The following FBXO10 variants were observed in gnomAD, a reference collection of about 807,000 sequenced individuals.
The protein encoded by FBXO10 is F-box protein 10.
FBXO10 carries 39 observed loss-of-function variants against 80.7 expected under a neutral mutation model. That is an observed-to-expected ratio of 0.48 (90% CI 0.37 to 0.63). The LOEUF is 0.63. FBXO10 is among the 30% of genes least tolerant of loss of function. The pLI is 0.00. For synonymous variants in FBXO10, 449 were observed against 489.6 expected, an observed-to-expected ratio of 0.92 and a Z score of 1.09; for missense variants, 1,025 against 1,269.0, an observed-to-expected ratio of 0.81 and a Z score of 2.92.
In FBXO10 at chr9:37,513,025, G is replaced by A. The variant is rs543373321; in HGVS notation, c.2697-304C>T. On this transcript the variant is annotated intron_variant, in intron 10 of 10. Transcript: ENST00000432825. ...CTGTTGCCCAGGCTGGGGTGCAGTG[G>A]CACGATCATGGCTCACTGCAGCCTC... is the stretch of plus-strand genomic sequence containing the variant. Among the ~76,000 whole-genome samples the A allele has an allele frequency of 5.9e-5, 9 of 152,318 alleles. No homozygotes were observed. In the South Asian group the frequency reaches 1.2e-3, roughly 21 times the overall value.
rs143658935 is a variant in FBXO10 at position 37,513,869 on chromosome 9, C to T, written c.2697-1148G>A. ...CCTCCCAAAGTGCTGGGATTACAGG[C>T]GTGAGCCACCGCACCCGGCCACGAT... On this transcript the variant is annotated intron_variant, in intron 10 of 10. Transcript: ENST00000432825. Among the ~76,000 whole-genome samples, 643 of 152,232 alleles carry T rather than the reference C, an allele frequency of 4.2e-3. 9 individuals carry two copies. The highest frequency in any genetic ancestry group is 0.015 in the African/African-American group (606 of 41,550).
chr9:37,516,147 G>A, intron 9 of FBXO10, 62 bp from the exon 10 acceptor site: 1 of 1,536,680 alleles, frequency 6.5e-7, no homozygotes, highest in Non-Finnish European at 8.8e-7. Flanking sequence ...GGGAGAGCTG[G>A]GCAAGTGAAT....
Position 37,541,517 on chromosome 9 carries a change from T to A in FBXO10, c.252A>T (p.Thr84=), listed in dbSNP as rs747039257. 6.2e-7 allele frequency: 1 copy of A among 1,613,824 alleles called. No homozygotes were observed. The highest frequency in any genetic ancestry group is 2.2e-5 in the East Asian group (1 of 44,894). Reference sequence around the variant, plus strand: ...CCAAGTCCAAGGCATTCTTGGTCCATGTCTTGGATGCAAGGTAATGCTGCT... The same window carrying A: ...CCAAGTCCAAGGCATTCTTGGTCCAAGTCTTGGATGCAAGGTAATGCTGCT... ...AFKQHYLASK[T]WTKNALDLES... Residue 84 remains threonine (T), a synonymous_variant, in exon 2 of 11, where the codon ACA becomes ACT. Transcript: ENST00000432825.
chr9:37,523,865 C>T (rs1368056533), intron 6 of FBXO10, among the ~76,000 whole-genome samples: 6 of 152,242 alleles, frequency 3.9e-5, no homozygotes, highest in Non-Finnish European at 7.4e-5. Context: ...TGCAGTGAGC[C>T]GAGATCGCGC....
At chr9:37,561,467 G>A (rs1822481538) in intron 1 of FBXO10, among the ~76,000 whole-genome samples, 1 of 152,162 alleles carries the variant, frequency 6.6e-6, no homozygotes, top group African/African-American at 2.4e-5. Context: ...GCCTCAGTGG[G>A]AGAGAAGGAG....
intron 5 of FBXO10, among the ~76,000 whole-genome samples, chr9:37,527,311 A>G (rs540574356): frequency 3.7e-4 from 56 of 152,304 alleles, no homozygotes; most frequent in African/African-American, 1.3e-3. Flanking sequence ...CAACATATGC[A>G]CAGGGTTCAG....
chr9:37,531,365 G>A (rs969219841), intron 4 of FBXO10, among the ~76,000 whole-genome samples: 2 of 152,172 alleles, frequency 1.3e-5, no homozygotes, highest in African/African-American at 4.8e-5. Context: ...TTCTCAGGAA[G>A]AGCCAGAGCA....
In FBXO10 at chr9:37,537,321, C is replaced by G; in HGVS notation, c.1208G>C (p.Ser403Thr). 6.2e-7 allele frequency: 1 copy of G among 1,609,992 alleles called. No homozygotes were observed. The highest frequency in any genetic ancestry group is 8.5e-7 in the Non-Finnish European group (1 of 1,177,810). Residue 403 changes from serine to threonine, a missense_variant, in exon 3 of 11, where the codon AGC becomes ACC. By Grantham distance (58) the Ser-to-Thr change is moderately conservative (BLOSUM62 1). Coordinates refer to ENST00000432825, the MANE Select transcript of FBXO10 (RefSeq NM_012166.3). ...PLPGASIQLP[S>T]CLVLNSLQQE... is the part of the protein sequence containing the mutation. ...CTGCAGTGAGTTCAGCACTAGGCAG[C>G]TGGGCAGCTGAATGGATGCTCCTGG... is the stretch of plus-strand genomic sequence containing the variant.
intron 1 of FBXO10, among the ~76,000 whole-genome samples, chr9:37,553,751 C>CAA (rs34248221): frequency 1.1e-4 from 16 of 139,846 alleles, no homozygotes; most frequent in African/African-American, 3.4e-4. Flanking sequence ...ACTAAAAATA[C>CAA]AAAAAAAAAA....
At chr9:37,575,586 T>G (rs780373090) in intron 1 of FBXO10, 3 of 152,246 alleles carry the variant, frequency 2.0e-5, no homozygotes, top group Non-Finnish European at 4.4e-5. Context: ...GGCAGAACTG[T>G]GATCTGAACC....
At chr9:37,553,024 G>A (rs1188359961) in intron 1 of FBXO10, among the ~76,000 whole-genome samples, 1 of 148,626 alleles carries the variant, frequency 6.7e-6, no homozygotes, top group Non-Finnish European at 1.5e-5. Flanking sequence ...GTGTGTGTGT[G>A]TGTGTGTGTG....
At position 37,541,523 on chromosome 9, in the gene FBXO10, G is replaced by C; in HGVS notation, c.246C>G (p.Ser82=). The part of the protein sequence containing the change: ...REAFKQHYLA[S]KTWTKNALDL... ...CCAAGGCATTCTTGGTCCATGTCTTGGATGCAAGGTAATGCTGCTTGAAGG... is the reference window on the plus strand; with the variant it reads ...CCAAGGCATTCTTGGTCCATGTCTTCGATGCAAGGTAATGCTGCTTGAAGG... Residue 82 remains serine (S), a synonymous_variant, in exon 2 of 11, where the codon TCC becomes TCG. Transcript: ENST00000432825. The C allele has an allele frequency of 6.2e-7, 1 of 1,613,860 alleles. No homozygotes were observed. Among genetic ancestry groups the C allele is most frequent in the African/African-American group, 1.3e-5 (1 of 75,046 alleles).
chr9:37,551,638 G>A (rs551347164), intron 1 of FBXO10, among the ~76,000 whole-genome samples: 29 of 152,228 alleles, frequency 1.9e-4, no homozygotes, highest in South Asian at 6.2e-4. Context: ...AGAGTGCCCC[G>A]GGCCTGGCCC....
chr9:37,541,860 C>A, intron 1 of FBXO10, 86 bp from the exon 2 acceptor site: 2 of 1,141,788 alleles, frequency 1.8e-6, no homozygotes, highest in Non-Finnish European at 2.4e-6. Flanking sequence ...TGGAGTTTCA[C>A]TCTTCTTGCC....
intron 3 of FBXO10, among the ~76,000 whole-genome samples, chr9:37,534,455 C>A (rs555030092): frequency 1.3e-5 from 2 of 152,140 alleles, no homozygotes; most frequent in South Asian, 2.1e-4. Flanking sequence ...AGTGAGACTC[C>A]GTCTCAAAAA....
At position 37,512,686 on chromosome 9, in the gene FBXO10, CG is replaced by C. The variant is rs1372960844; in HGVS notation, c.2731del (p.Arg911GlyfsTer20). Reference sequence around the variant, plus strand: ...TCTGAGAGAATTTTCAAGGTGGGGCCGTGCTGGTGGGTTCACCAGGCGCCAC... The same window carrying C: ...TCTGAGAGAATTTTCAAGGTGGGGCCTGCTGGTGGGTTCACCAGGCGCCAC... ...DTWRLVNPPA[R>X]PHLENSLRRP... On this transcript the variant is annotated frameshift_variant, in exon 11 of 11. Coordinates refer to ENST00000432825, the MANE Select transcript of FBXO10 (RefSeq NM_012166.3). LOFTEE classifies it high-confidence loss of function. 1 of 1,613,932 alleles carries C rather than the reference CG, an allele frequency of 6.2e-7. No homozygotes were observed.
intron 1 of FBXO10, among the ~76,000 whole-genome samples, chr9:37,563,729 G>T (rs1822536013): frequency 6.6e-6 from 1 of 152,180 alleles, no homozygotes; most frequent in Non-Finnish European, 1.5e-5. Flanking sequence ...AGGGTATCTG[G>T]CAGAAGAAAC....
rs1392156487 is a variant in FBXO10 at position 37,576,287 on chromosome 9, G to A, written c.-83C>T. ...TGGAAGCCACCCGCCGCCCCCGCTG[G>A]AGCCGCAGCAGCCGGTAGGATTGCG... is the stretch of plus-strand genomic sequence containing the variant. On this transcript the variant is annotated 5_prime_UTR_variant, in exon 1 of 11. Transcript: ENST00000432825. 4 of 152,210 alleles carry A rather than the reference G, an allele frequency of 2.6e-5. No homozygotes were observed. Among genetic ancestry groups the A allele is most frequent in the African/African-American group, 9.7e-5 (4 of 41,384 alleles). The allele number at this position is 152,210 out of a possible 1,614,324, so 9.4% of individuals were successfully genotyped here. A position where few individuals can be genotyped will look rare whatever the true frequency, so the allele number is the denominator to read the frequency against.
rs187962811 is a variant in FBXO10 at position 37,515,606 on chromosome 9, T to C, written c.2696+298A>G. ...AGCCAGATAGTGTGATCTTATTAAA[T>C]GGATTTTACTAAGGCTCGAAGATGT... On this transcript the variant is annotated intron_variant, in intron 10 of 10. Transcript: ENST00000432825. 668 of 264,670 alleles carry C rather than the reference T, an allele frequency of 2.5e-3. 8 individuals carry two copies. Among genetic ancestry groups the C allele is most frequent in the Non-Finnish European group, 2.5e-3 (347 of 141,222 alleles). The allele number at this position is 264,670 out of a possible 1,614,324, so 16.4% of individuals were successfully genotyped here. A position where few individuals can be genotyped will look rare whatever the true frequency, so the allele number is the denominator to read the frequency against.
Sources: gnomAD v4.1 joint callset for allele counts (sites outside exome capture counted in the v4.1 genomes callset) on GRCh38, gnomAD v4.1.1 for gene constraint, MANE v1.5 for transcripts, NCBI Gene and HGNC (gene_info 2026-07-23, HGNC 2026-07-21) for gene names.